VAV1: variants seen among roughly 807,000 people sequenced by gnomAD.
VAV1 encodes the protein vav guanine nucleotide exchange factor 1, also known as proto-oncogene vav.
VAV1 carries 33 observed loss-of-function variants against 128.1 expected under a neutral mutation model. The ratio of observed to expected loss-of-function variants is 0.26; its 90% CI spans 0.20 to 0.34. The LOEUF is 0.34. VAV1 is among the 10% of genes least tolerant of loss of function. VAV1 has a pLI of 1.00. For missense variants in VAV1, 715 were observed against 1,093.7 expected, an observed-to-expected ratio of 0.65 and a Z score of 4.88; for synonymous variants, 394 against 409.8, an observed-to-expected ratio of 0.96 and a Z score of 0.47.
chr19:6,833,051 G>A (rs1475806862), intron 15 of VAV1, 133 bp from the exon 16 acceptor site: 6 of 758,784 alleles, frequency 7.9e-6, no homozygotes, highest in South Asian at 2.0e-5. Context: ...GGGTGAAAAC[G>A]ACCCAAAAGC....
chr19:6,814,671 C>CCTTCCTTCCTTTCTTTCTTTCTTT, intron 1 of VAV1, among the ~76,000 whole-genome samples: 6 of 25,792 alleles, frequency 2.3e-4, no homozygotes, highest in Admixed American at 1.2e-3. Context: ...TTCCTTCCTT[C>CCTTCCTTCCTTTCTTTCTTTCTTT]CTTTCTTTCT....
At chr19:6,817,758 C>T (rs1372981488) in intron 1 of VAV1, among the ~76,000 whole-genome samples, 1 of 151,892 alleles carries the variant, frequency 6.6e-6, no homozygotes, top group Non-Finnish European at 1.5e-5. Context: ...ACCGTCGTGG[C>T]TCACCGCAGC....
At chr19:6,824,903 A>G (rs1381776761) in intron 6 of VAV1, 150 bp from the exon 7 acceptor site, 1 of 860,950 alleles carries the variant, frequency 1.2e-6, no homozygotes, top group African/African-American at 1.7e-5. Context: ...TATTATGAAT[A>G]ATTTCACTGT....
At position 6,822,150 on chromosome 19, in the gene VAV1, C is replaced by T. The variant is rs917894987; in HGVS notation, c.450-71C>T. 83 of 1,444,746 alleles carry T rather than the reference C, an allele frequency of 5.7e-5. No homozygotes were observed. The highest frequency in any genetic ancestry group is 5.8e-5 in the Non-Finnish European group (61 of 1,053,520). The allele number at this position is 1,444,746 out of a possible 1,614,324, so 89.5% of individuals were successfully genotyped here. On this transcript the variant is annotated intron_variant, in intron 4 of 26. Transcript: ENST00000602142. This position sits in a 1 kb window ranked among gnomAD's most constrained non-coding sequence, Gnocchi z 5.9. The stretch of plus-strand genomic sequence containing the variant: ...GGAGTCTTGGGGGGACAAAGCCCTG[C>T]GCTGGGGTCTGCGGGGACCCTGCTG...
At chr19:6,853,125 T>C (rs373449117) in intron 25 of VAV1, 46 bp downstream of exon 25, 1 of 1,571,430 alleles carries the variant, frequency 6.4e-7, no homozygotes, top group Non-Finnish European at 8.7e-7. Flanking sequence ...CCCCTTCCCA[T>C]TGTGGAGGGA....
chr19:6,814,683 T>TC lies in VAV1; in HGVS notation c.205-6018dup, dbSNP rs1568299268. ...TCCTTCCTTCCTTCCTTTCTTTCTT[T>TC]CTTTCTTTCTTTCTTTCTTTCTTTC... On this transcript the variant is annotated intron_variant, in intron 1 of 26. Transcript: ENST00000602142. 6.7e-4 allele frequency among the ~76,000 whole-genome samples: 65 copies of TC among 96,936 alleles called. 3 individuals carry two copies. Among genetic ancestry groups the TC allele is most frequent in the African/African-American group, 3.8e-3 (62 of 16,120 alleles). 63.6% of individuals were successfully genotyped at this position (96,936 alleles called of 152,430 possible).
At chr19:6,790,039 A>G (rs1970982093) in intron 1 of VAV1, among the ~76,000 whole-genome samples, 1 of 152,126 alleles carries the variant, frequency 6.6e-6, no homozygotes, top group Admixed American at 6.5e-5. Context: ...TTAGCCGGCC[A>G]TGGTGGCAGG....
chr19:6,835,543 C>T (rs1011232322), intron 19 of VAV1, among the ~76,000 whole-genome samples: 2 of 152,196 alleles, frequency 1.3e-5, no homozygotes, highest in African/African-American at 4.8e-5. Flanking sequence ...TGCTACTCAC[C>T]TATCTCCCAT....
At chr19:6,829,490 G>A (rs906992436) in intron 13 of VAV1, among the ~76,000 whole-genome samples, 3 of 152,124 alleles carry the variant, frequency 2.0e-5, no homozygotes, top group East Asian at 1.9e-4. Context: ...GGACCTGAGT[G>A]GGGGTGAGGC....
chr19:6,784,941 C>T (rs920722929), intron 1 of VAV1, among the ~76,000 whole-genome samples: 3 of 152,194 alleles, frequency 2.0e-5, no homozygotes, highest in Non-Finnish European at 4.4e-5. Context: ...GTGAAAAAGA[C>T]AAAATCCTCA....
intron 1 of VAV1, among the ~76,000 whole-genome samples, chr19:6,785,168 C>G (rs185575000): frequency 1.3e-5 from 2 of 152,134 alleles, no homozygotes; most frequent in South Asian, 2.1e-4. Flanking sequence ...TTCTCTTTCT[C>G]TCTCTCTCTG....
At chr19:6,843,457 A>G (rs779293312) in intron 22 of VAV1, among the ~76,000 whole-genome samples, 2 of 152,080 alleles carry the variant, frequency 1.3e-5, no homozygotes, top group Non-Finnish European at 2.9e-5. Context: ...TGACAGTTCC[A>G]GTTGTTTTTG....
chr19:6,774,204 T>C (rs1741723494), intron 1 of VAV1, among the ~76,000 whole-genome samples: 1 of 152,070 alleles, frequency 6.6e-6, no homozygotes, highest in Non-Finnish European at 1.5e-5. Context: ...CTCGGCTCAT[T>C]GCAAGCTCCG....
intron 6 of VAV1, among the ~76,000 whole-genome samples, chr19:6,823,031 G>T (rs1246783983): frequency 1.4e-5 from 2 of 145,522 alleles, no homozygotes; most frequent in Admixed American, 1.4e-4. Flanking sequence ...TTTTTATATA[G>T]ATATATATTT....
At chr19:6,780,091 A>G (rs1191644221) in intron 1 of VAV1, among the ~76,000 whole-genome samples, 1 of 144,242 alleles carries the variant, frequency 6.9e-6, no homozygotes, top group Non-Finnish European at 1.5e-5. Context: ...AGCCTGGGCG[A>G]CAGAGCAAGA....
At chr19:6,839,834 G>A (rs909176716) in intron 21 of VAV1, among the ~76,000 whole-genome samples, 2 of 151,960 alleles carry the variant, frequency 1.3e-5, no homozygotes, top group Non-Finnish European at 2.9e-5. Context: ...GGGACTACAG[G>A]TGCATACCAC....
At position 6,822,258 on chromosome 19, in the gene VAV1, G is replaced by C; in HGVS notation, c.487G>C (p.Val163Leu). 1 of 1,591,926 alleles carries C rather than the reference G, an allele frequency of 6.3e-7. No individual in the cohort carries two copies. ...GGAGGATGAGGACCTGTATGACTGC[G>C]TGGAGAATGAGGAGGCGGAAGGCGA... ...VEEDEDLYDC[V>L]ENEEAEGDEI... The change falls in exon 5 of 27, where the codon GTG (valine) becomes CTG (leucine). Residue 163 changes from valine (V) to leucine (L), a missense_variant. Val to Leu is a conservative substitution (Grantham distance 32). Transcript: ENST00000602142. The surrounding 1 kb of genome is among the most constrained non-coding windows in gnomAD (Gnocchi z 5.9).
In VAV1 at chr19:6,774,958, G is replaced by A. The variant is rs370198449; in HGVS notation, c.204+1947G>A. Among the ~76,000 whole-genome samples, 510 of 150,440 alleles carry A rather than the reference G, an allele frequency of 3.4e-3. 5 individuals are homozygous for A. The highest frequency in any genetic ancestry group is 0.012 in the African/African-American group (487 of 40,808). ...TTTTTGTATTTTTAGTAGAGATGGG[G>A]TTTTCCCATGTTGACCAAGCTGGCC... On this transcript the variant is annotated intron_variant, in intron 1 of 26. Transcript: ENST00000602142.
intron 1 of VAV1, among the ~76,000 whole-genome samples, chr19:6,791,691 C>G (rs933129477): frequency 2.0e-5 from 3 of 152,106 alleles, no homozygotes; most frequent in East Asian, 3.8e-4. Flanking sequence ...CCATTCCAGA[C>G]AGTAAACAAA....
Sources: gnomAD v4.1 joint callset for allele counts (sites outside exome capture counted in the v4.1 genomes callset) on GRCh38, gnomAD v4.1.1 for gene constraint, Gnocchi (gnomAD v3.1) non-coding constraint, MANE v1.5 for transcripts, NCBI Gene and HGNC (gene_info 2026-07-23, HGNC 2026-07-21) for gene names.